DCC: variants seen among roughly 807,000 people sequenced by gnomAD.
The protein encoded by DCC is netrin receptor DCC.
Under a neutral mutation model 172.5 loss-of-function variants are expected in DCC, and 58 were observed. The ratio of observed to expected loss-of-function variants is 0.34; its 90% CI spans 0.27 to 0.42. DCC has a LOEUF of 0.42. Among genes scored for constraint, DCC ranks in the 10% least tolerant of loss-of-function variants. DCC has a pLI of 1.00. For synonymous variants in DCC, 709 were observed against 644.5 expected (o/e 1.10, Z -1.52); for missense variants, 1,740 against 1,791.0 (o/e 0.97, Z 0.51).
rs145827538 is a variant in DCC, at chr18:53,369,318, T to A, written c.2360-16725T>A. Reference sequence around the variant, plus strand: ...ATTTGCTCTAAAAGGTGTTTTGGTTTTTTTGTACGTGTTTCTGTAGAATCT... The same window carrying A: ...ATTTGCTCTAAAAGGTGTTTTGGTTATTTTGTACGTGTTTCTGTAGAATCT... On this transcript the variant is annotated intron_variant, in intron 15 of 28. Coordinates refer to ENST00000442544, the MANE Select transcript of DCC (RefSeq NM_005215.4). 5.3e-5 allele frequency among the ~76,000 whole-genome samples: 8 copies of A among 152,110 alleles called. No individual in the cohort carries two copies. The East Asian group carries it at 1.3e-3, about 26-fold the overall frequency.
At chr18:53,368,976 C>T (rs151025092) in intron 15 of DCC, among the ~76,000 whole-genome samples, 43 of 151,964 alleles carry the variant, frequency 2.8e-4, no homozygotes, top group African/African-American at 9.2e-4. Flanking sequence ...TAAAAAAAAT[C>T]ACTAGAATTT....
chr18:52,566,776 C>A (rs2033170767), intron 1 of DCC, among the ~76,000 whole-genome samples: 1 of 151,988 alleles, frequency 6.6e-6, no homozygotes, highest in South Asian at 2.1e-4. Context: ...GAGTTTGAAG[C>A]TATGAGCTCC....
At chr18:52,992,319 G>A (rs1413974421) in intron 5 of DCC, among the ~76,000 whole-genome samples, 1 of 152,186 alleles carries the variant, frequency 6.6e-6, no homozygotes, top group Non-Finnish European at 1.5e-5. Context: ...AAGACAGATT[G>A]CAGCTCACTG....
At chr18:52,527,126 C>A (rs1234684740) in intron 1 of DCC, among the ~76,000 whole-genome samples, 5 of 152,074 alleles carry the variant, frequency 3.3e-5, no homozygotes, top group Non-Finnish European at 7.4e-5. Context: ...TAACAAAGAG[C>A]CACATTACAA....
At chr18:52,540,578 G>A (rs1342831119) in intron 1 of DCC, among the ~76,000 whole-genome samples, 6 of 130,642 alleles carry the variant, frequency 4.6e-5, no homozygotes, top group South Asian at 2.4e-4. Context: ...ATTCACTACC[G>A]TTAGGTGTAT....
chr18:52,671,069 C>G (rs11082936), intron 1 of DCC, among the ~76,000 whole-genome samples: 2 of 152,108 alleles, frequency 1.3e-5, no homozygotes, highest in African/African-American at 2.4e-5. Flanking sequence ...AAGTCATAAC[C>G]GAGCTTATAT....
intron 7 of DCC, among the ~76,000 whole-genome samples, chr18:53,147,323 CA>C (rs1349968862): frequency 3.9e-5 from 6 of 152,066 alleles, no homozygotes; most frequent in Non-Finnish European, 7.3e-5. Flanking sequence ...CTCTCTCTCT[CA>C]GAAATATAGA....
At chr18:52,550,310 G>A (rs1332598401) in intron 1 of DCC, among the ~76,000 whole-genome samples, 1 of 151,748 alleles carries the variant, frequency 6.6e-6, no homozygotes, top group Non-Finnish European at 1.5e-5. Context: ...GAGACATGGG[G>A]ATTAAATGTA....
chr18:53,126,391 C>A (rs765436242), intron 7 of DCC, among the ~76,000 whole-genome samples: 4 of 152,196 alleles, frequency 2.6e-5, no homozygotes, highest in Admixed American at 6.5e-5. Context: ...GATGATGCAA[C>A]CTTTGCAAGC....
intron 1 of DCC, among the ~76,000 whole-genome samples, chr18:52,409,492 C>A (rs1035907125): frequency 2.2e-4 from 34 of 152,180 alleles, no homozygotes; most frequent in Admixed American, 5.9e-4. Flanking sequence ...ATTTATTATT[C>A]CCCTTCGAAA....
intron 17 of DCC, among the ~76,000 whole-genome samples, chr18:53,392,279 T>C (rs1296112169): frequency 6.6e-6 from 1 of 152,034 alleles, no homozygotes; most frequent in African/African-American, 2.4e-5. Flanking sequence ...ACCCTATTAA[T>C]GTCACAGAGA....
chr18:52,977,214 AAATG>A (rs1362955986), intron 5 of DCC, among the ~76,000 whole-genome samples: 3 of 152,162 alleles, frequency 2.0e-5, no homozygotes, highest in Non-Finnish European at 2.9e-5. Flanking sequence ...GAGGAAAATG[AAATG>A]AAGTGTCTTA....
intron 1 of DCC, among the ~76,000 whole-genome samples, chr18:52,621,007 C>G: frequency 6.6e-6 from 1 of 152,188 alleles, no homozygotes; most frequent in East Asian, 1.9e-4. Flanking sequence ...CAGGAGAAGC[C>G]TGGGTGAGGG....
chr18:53,045,727 C>T (rs570097716), intron 5 of DCC, among the ~76,000 whole-genome samples: 28 of 151,936 alleles, frequency 1.8e-4, no homozygotes, highest in Admixed American at 4.0e-4. Flanking sequence ...CTAATGTATG[C>T]CTTTGTCATT....
At chr18:52,498,232 A>G (rs994565539) in intron 1 of DCC, among the ~76,000 whole-genome samples, 1 of 152,158 alleles carries the variant, frequency 6.6e-6, no homozygotes, top group Non-Finnish European at 1.5e-5. Context: ...TCAAGATTCT[A>G]TCATTTTCTT....
chr18:53,152,123 G>A (rs949246118), intron 7 of DCC, among the ~76,000 whole-genome samples: 3 of 152,138 alleles, frequency 2.0e-5, no homozygotes, highest in Non-Finnish European at 4.4e-5. Flanking sequence ...GACTAATAAA[G>A]CAGATGCAGC....
chr18:52,817,586 T>C (rs891016236), intron 2 of DCC, among the ~76,000 whole-genome samples: 58 of 151,794 alleles, frequency 3.8e-4, no homozygotes, highest in African/African-American at 1.4e-3. Context: ...AGTCAGTCTC[T>C]CTTCCTCTTT....
In DCC at chr18:53,139,337, A is replaced by C. The variant is rs2043795801; in HGVS notation, c.1262-18019A>C. Among the ~76,000 whole-genome samples, 5 of 152,254 alleles carry C rather than the reference A, an allele frequency of 3.3e-5. 2 individuals are homozygous for C. The Middle Eastern group carries it at 0.017, about 518-fold the overall frequency. On this transcript the variant is annotated intron_variant, in intron 7 of 28. Coordinates refer to ENST00000442544, the MANE Select transcript of DCC (RefSeq NM_005215.4). ...CAGAAAATCACTGGACCTCATTCCTACCTTACTGAAAGAGGAAATGGTAAT... is the reference window on the plus strand; with the variant it reads ...CAGAAAATCACTGGACCTCATTCCTCCCTTACTGAAAGAGGAAATGGTAAT...
At chr18:52,577,641 C>G (rs571938039) in intron 1 of DCC, among the ~76,000 whole-genome samples, 24 of 152,116 alleles carry the variant, frequency 1.6e-4, no homozygotes, top group Non-Finnish European at 2.9e-4. Flanking sequence ...TCTCCCCTCC[C>G]CACTTAGATG....
Sources: allele counts gnomAD v4.1 joint callset (sites outside exome capture counted in the v4.1 genomes callset), GRCh38; gene constraint gnomAD v4.1.1; transcripts MANE v1.5; gene names NCBI Gene and HGNC (gene_info 2026-07-23, HGNC 2026-07-21).